The following IFT25 variants were observed in gnomAD, a reference collection of about 807,000 sequenced individuals.
IFT25 encodes the protein intraflagellar transport 25, also known as intraflagellar transport protein 25 homolog.
the IFT25 span, among the ~76,000 whole-genome samples, chr1:53,940,432 C>T: frequency 5.9e-5 from 9 of 151,672 alleles, no homozygotes; most frequent in Non-Finnish European, 1.2e-4. Flanking sequence ...TGAAAGAAGG[C>T]AGAAAAAGAG....
chr1:53,935,557 T>C, the IFT25 span, among the ~76,000 whole-genome samples: 1 of 152,146 alleles, frequency 6.6e-6, no homozygotes, highest in Non-Finnish European at 1.5e-5. Flanking sequence ...ATATTCTAAA[T>C]GGGCGAATTG....
chr1:53,934,024 T>TG, the IFT25 span, among the ~76,000 whole-genome samples: 1 of 152,148 alleles, frequency 6.6e-6, no homozygotes, highest in Non-Finnish European at 1.5e-5. Context: ...TTTCATTAAG[T>TG]GGTCAGTTAT....
the IFT25 span, among the ~76,000 whole-genome samples, chr1:53,939,102 A>T: frequency 7.0e-6 from 1 of 143,160 alleles, no homozygotes; most frequent in East Asian, 2.1e-4. Flanking sequence ...AAAAAAAAAG[A>T]GTTCTCAGGC....
At chr1:53,932,457 T>C in the IFT25 span, among the ~76,000 whole-genome samples, 1 of 152,252 alleles carries the variant, frequency 6.6e-6, no homozygotes, top group African/African-American at 2.4e-5. Context: ...CTTTTTGTTG[T>C]TTATTTCTAA....
the IFT25 span, among the ~76,000 whole-genome samples, chr1:53,913,546 T>G: frequency 7.9e-5 from 12 of 152,194 alleles, no homozygotes; most frequent in Non-Finnish European, 1.6e-4. Context: ...TTCGCTGTCT[T>G]GAGTAGCCTA....
At chr1:53,918,217 T>TA in the IFT25 span, among the ~76,000 whole-genome samples, 1 of 152,192 alleles carries the variant, frequency 6.6e-6, no homozygotes, top group Admixed American at 6.5e-5. Context: ...AATAAAAACT[T>TA]AAACAAATTG....
the IFT25 span, chr1:53,921,744 G>C: frequency 6.8e-6 from 11 of 1,613,266 alleles, no homozygotes; most frequent in South Asian, 9.9e-5. Flanking sequence ...TGAATCTCAA[G>C]TAAGTAGCGG....
the IFT25 span, among the ~76,000 whole-genome samples, chr1:53,941,670 T>C: frequency 0.012 from 1,796 of 152,326 alleles, 13 homozygotes; most frequent in Non-Finnish European, 0.02. Context: ...TAAATACAGA[T>C]TGATAAACTT....
the IFT25 span, among the ~76,000 whole-genome samples, chr1:53,939,046 C>T: frequency 2.8e-5 from 4 of 141,564 alleles, no homozygotes; most frequent in Admixed American, 1.4e-4. Context: ...TGCACTCCAG[C>T]CTGGGCAACA....
At chr1:53,918,925 G>A in the IFT25 span, among the ~76,000 whole-genome samples, 1 of 152,116 alleles carries the variant, frequency 6.6e-6, no homozygotes, top group South Asian at 2.1e-4. Context: ...TGCAACCTCT[G>A]CTTCTCAGGT....
At chr1:53,913,198 G>A in the IFT25 span, among the ~76,000 whole-genome samples, 550 of 152,334 alleles carry the variant, frequency 3.6e-3, 2 homozygotes, top group Non-Finnish European at 6.0e-3. Flanking sequence ...TTCCCTTGCT[G>A]CAAGGTGGGG....
the IFT25 span, chr1:53,930,012 AAAAAAAT>A: frequency 6.5e-7 from 1 of 1,537,250 alleles, no homozygotes; most frequent in East Asian, 2.4e-5. Flanking sequence ...AAAAAAAAAA[AAAAAAAT>A]TAATGTAAGA....
At chr1:53,939,390 CAAAAA>C in the IFT25 span, among the ~76,000 whole-genome samples, 3 of 63,068 alleles carry the variant, frequency 4.8e-5, no homozygotes, top group Non-Finnish European at 6.8e-5. Context: ...GACTCTGTCT[CAAAAA>C]AAAAAAAAAA....
the IFT25 span, among the ~76,000 whole-genome samples, chr1:53,922,676 GA>G: frequency 6.6e-6 from 1 of 152,256 alleles, no homozygotes; most frequent in Admixed American, 6.5e-5. Context: ...GTGTATTACA[GA>G]GGGGACAAAC....
At chr1:53,924,031 T>C in the IFT25 span, 5 of 833,348 alleles carry the variant, frequency 6.0e-6, no homozygotes, top group African/African-American at 6.8e-5. Context: ...CAGCAAAATA[T>C]GATATCTGGT....
At chr1:53,933,988 T>C in the IFT25 span, among the ~76,000 whole-genome samples, 1 of 152,128 alleles carries the variant, frequency 6.6e-6, no homozygotes, top group Non-Finnish European at 1.5e-5. Context: ...ATTTTACATA[T>C]ATAATATATC....
chr1:53,930,237 G>A, the IFT25 span: 2 of 1,202,594 alleles, frequency 1.7e-6, no homozygotes, highest in Admixed American at 3.1e-5. Flanking sequence ...AAAATTAAAT[G>A]ACTACTGGAT....
the IFT25 span, among the ~76,000 whole-genome samples, chr1:53,915,494 T>C: frequency 3.3e-5 from 5 of 152,162 alleles, no homozygotes; most frequent in Non-Finnish European, 5.9e-5. Context: ...GGAATTTTAA[T>C]GATAGAAATG....
At chr1:53,913,908 G>T in the IFT25 span, among the ~76,000 whole-genome samples, 1 of 152,218 alleles carries the variant, frequency 6.6e-6, no homozygotes, top group Non-Finnish European at 1.5e-5. Flanking sequence ...CAGAAACTAT[G>T]CCGGCACCCT....
Sources: gnomAD v4.1 joint callset for allele counts (sites outside exome capture counted in the v4.1 genomes callset) on GRCh38, gnomAD v4.1.1 for gene constraint, MANE v1.5 for transcripts, NCBI Gene and HGNC (gene_info 2026-07-23, HGNC 2026-07-21) for gene names.